Variants in MADCAM1 observed in about 807,000 individuals in gnomAD.
MADCAM1 encodes mucosal vascular addressin cell adhesion molecule 1.
In MADCAM1, 19 loss-of-function variants were observed where a neutral mutation model predicts 26.1. The observed-to-expected ratio is 0.73, with a 90% confidence interval of 0.51 to 1.07. MADCAM1 has a LOEUF of 1.07. Ranked by LOEUF, MADCAM1 falls within the 50% of genes least tolerant of loss-of-function variation. MADCAM1 has a pLI of 0.00. For missense variants in MADCAM1, 514 were observed against 542.1 expected, an observed-to-expected ratio of 0.95 and a Z score of 0.51; for synonymous variants, 268 against 260.9, an observed-to-expected ratio of 1.03 and a Z score of -0.26.
At chr19:504,609 A>C (rs565323459) in intron 4 of MADCAM1, 136 bp from the exon 5 acceptor site, 11 of 657,104 alleles carry the variant, frequency 1.7e-5, no homozygotes, top group Non-Finnish European at 2.9e-5. Flanking sequence ...CAAAAGGGTC[A>C]TGGTAAAGTC....
In MADCAM1 at chr19:505,082, G is replaced by A; in HGVS notation, c.*117G>A. Reference sequence around the variant, plus strand: ...AAGTCATCCCTCTGTTCACAGAGATGGATGCATGTTCTGATTGCCTCTTTG... The same window carrying A: ...AAGTCATCCCTCTGTTCACAGAGATAGATGCATGTTCTGATTGCCTCTTTG... On this transcript the variant is annotated 3_prime_UTR_variant, in exon 5 of 5. Coordinates refer to ENST00000215637, the MANE Select transcript of MADCAM1 (RefSeq NM_130760.3). The A allele has an allele frequency of 1.4e-6, 1 of 717,280 alleles. No homozygotes were observed. Among genetic ancestry groups the A allele is most frequent in the Non-Finnish European group, 2.2e-6 (1 of 450,988 alleles). The allele number at this position is 717,280 out of a possible 1,614,324, so 44.4% of individuals were successfully genotyped here. A position where few individuals can be genotyped will look rare whatever the true frequency, so the allele number is the denominator to read the frequency against.
At position 498,104 on chromosome 19, in the gene MADCAM1, G is replaced by C; in HGVS notation, c.324G>C (p.Gln108His). 1 of 1,376,780 alleles carries C rather than the reference G, an allele frequency of 7.3e-7. No individual in the cohort carries two copies. The highest frequency in any genetic ancestry group is 9.4e-7 in the Non-Finnish European group (1 of 1,066,282). The allele number at this position is 1,376,780 out of a possible 1,614,324, so 85.3% of individuals were successfully genotyped here. Reference sequence around the variant, plus strand: ...GCCGCACCTTCCAGCACACCGTGCAGCTCCTTGTGTACGGTGAGGCGTCCC... The same window carrying C: ...GCCGCACCTTCCAGCACACCGTGCACCTCCTTGTGTACGGTGAGGCGTCCC... ...CGGRTFQHTV[Q>H]LLVYAFPDQL... Residue 108 changes from glutamine (Q) to histidine (H), a missense_variant, in exon 2 of 5, where the codon CAG becomes CAC. Around this residue, in one of 3 missense-constraint regions of MADCAM1, gnomAD observed 317 missense variants for 313.6 expected, o/e 1.01. Transcript: ENST00000215637.
At chr19:499,726 C>T (rs762290737) in intron 3 of MADCAM1, 112 of 439,170 alleles carry the variant, frequency 2.6e-4, no homozygotes, top group Non-Finnish European at 4.6e-4. Flanking sequence ...GAAGCTAGAA[C>T]AGGGCCTGGG....
chr19:498,460 C>T (rs1320311536), intron 2 of MADCAM1, 36 bp from the exon 3 acceptor site: 1 of 1,439,474 alleles, frequency 6.9e-7, no homozygotes, highest in Non-Finnish European at 9.1e-7. Flanking sequence ...AGCCCTGACT[C>T]TGGGCTCAGC....
chr19:501,976 C>T lies in MADCAM1; in HGVS notation c.928+47C>T, dbSNP rs117914445. 74 of 1,429,794 alleles carry T rather than the reference C, an allele frequency of 5.2e-5. No individual in the cohort carries two copies. The East Asian group carries it at 8.3e-4, about 16-fold the overall frequency. The allele number at this position is 1,429,794 out of a possible 1,614,324, so 88.6% of individuals were successfully genotyped here. ...CAGGGAGGGTGGGAAGGGCTGAGAGCGAGAGGTTCCTTGGATGAAGACTTT... is the reference window on the plus strand; with the variant it reads ...CAGGGAGGGTGGGAAGGGCTGAGAGTGAGAGGTTCCTTGGATGAAGACTTT... On this transcript the variant is annotated intron_variant, in intron 4 of 4. Transcript: ENST00000215637.
chr19:498,003 G>C lies in MADCAM1; in HGVS notation c.223G>C (p.Gly75Arg). 2 of 1,504,598 alleles carry C rather than the reference G, an allele frequency of 1.3e-6. No individual in the cohort carries two copies. Among genetic ancestry groups the C allele is most frequent in the South Asian group, 1.2e-5 (1 of 80,118 alleles). 93.2% of individuals were successfully genotyped at this position (1,504,598 alleles called of 1,614,324 possible). Residue 75 changes from glycine (G) to arginine (R), a missense_variant, in exon 2 of 5, where the codon GGC (glycine) becomes CGC (arginine). Coordinates refer to ENST00000215637, the MANE Select transcript of MADCAM1 (RefSeq NM_130760.3). ...CCTGGGCGCGGTGCAGTCGGACACG[G>C]GCCGCAGCGTCCTCACCGTGCGCAA... ...TSLGAVQSDT[G>R]RSVLTVRNAS...
chr19:502,061 G>GTCTGCCCAGCCTCGGTTTCCCCA, intron 4 of MADCAM1, 132 bp downstream of exon 4: 1 of 1,028,244 alleles, frequency 9.7e-7, no homozygotes, highest in Non-Finnish European at 1.3e-6. Context: ...CAGTTTCCCC[G>GTCTGCCCAGCCTCGGTTTCCCCA]TCTGCCCAGC....
In MADCAM1 at chr19:501,726, A is replaced by T; in HGVS notation, c.725A>T (p.Asp242Val). The change falls in exon 4 of 5, where the codon GAC (aspartate) becomes GTC (valine). Residue 242 changes from aspartate to valine, a missense_variant. By Grantham distance (152) the Asp-to-Val change is radical (BLOSUM62 -3). Transcript: ENST00000215637. Reference protein sequence around the residue: ...PPDTTSPESPDTTSPESPDTT... With the variant: ...PPDTTSPESPVTTSPESPDTT... ...GACACCACCTCCCCGGAGTCTCCCG[A>T]CACCACCTCCCCGGAGTCTCCCGAC... 1 of 1,561,406 alleles carries T rather than the reference A, an allele frequency of 6.4e-7. No individual in the cohort carries two copies. Among genetic ancestry groups the T allele is most frequent in the Non-Finnish European group, 8.7e-7 (1 of 1,152,034 alleles).
chr19:502,098 G>A (rs912460195), intron 4 of MADCAM1, among the ~76,000 whole-genome samples, 169 bp downstream of exon 4: 4 of 150,868 alleles, frequency 2.7e-5, no homozygotes, highest in African/African-American at 7.3e-5. Flanking sequence ...GCCCAGCCTC[G>A]GTTTCCCCGT....
At chr19:499,205 C>T in intron 3 of MADCAM1, 1 of 490,348 alleles carries the variant, frequency 2.0e-6, no homozygotes, top group South Asian at 1.5e-5. Context: ...TCCTCCAACA[C>T]ACCAGGCGTG....
At chr19:500,007 G>A in intron 3 of MADCAM1, 2 of 450,938 alleles carry the variant, frequency 4.4e-6, no homozygotes, top group South Asian at 3.1e-5. Context: ...GTGGGGCTGG[G>A]GTGGGCAGAG....
At chr19:500,023 G>C (rs1357164110) in intron 3 of MADCAM1, 1 of 453,944 alleles carries the variant, frequency 2.2e-6, no homozygotes, top group Non-Finnish European at 4.4e-6. Flanking sequence ...CAGAGAGGAG[G>C]CTGGATTTGA....
chr19:503,666 C>T lies in MADCAM1; in HGVS notation c.929-1079C>T, dbSNP rs551016022. On this transcript the variant is annotated intron_variant, in intron 4 of 4. Coordinates refer to ENST00000215637, the MANE Select transcript of MADCAM1 (RefSeq NM_130760.3). ...CTGTAATGCCAGCACTTTGGGAGGCCGAGGCAGGAGGATCACTTGAGCCCA... is the reference window on the plus strand; with the variant it reads ...CTGTAATGCCAGCACTTTGGGAGGCTGAGGCAGGAGGATCACTTGAGCCCA... Among the ~76,000 whole-genome samples, 16 of 151,582 alleles carry T rather than the reference C, an allele frequency of 1.1e-4. No homozygotes were observed. The South Asian group carries it at 2.5e-3, about 24-fold the overall frequency.
chr19:499,425 G>GGC (rs1978306446), intron 3 of MADCAM1: 1 of 452,014 alleles, frequency 2.2e-6, no homozygotes, highest in African/African-American at 2.0e-5. Flanking sequence ...TACAAACACA[G>GGC]ACACACACAC....
At position 501,903 on chromosome 19, in the gene MADCAM1, C is replaced by T. The variant is rs200220692; in HGVS notation, c.902C>T (p.Thr301Met). The stretch of plus-strand genomic sequence containing the variant: ...CCTGAGATCTCCCAGGCTGGGCCCA[C>T]GCAGGGAGAAGTGATCCCAACAGGC... ...RRPEISQAGP[T>M]QGEVIPTGSS... The change falls in exon 4 of 5, where the codon ACG becomes ATG. Residue 301 changes from threonine to methionine, a missense_variant. Coordinates refer to ENST00000215637, the MANE Select transcript of MADCAM1 (RefSeq NM_130760.3). 79 of 1,543,220 alleles carry T rather than the reference C, an allele frequency of 5.1e-5. No homozygotes were observed. Among genetic ancestry groups the T allele is most frequent in the South Asian group, 3.7e-4 (30 of 81,628 alleles).
At chr19:500,477 C>A (rs1978315777) in intron 3 of MADCAM1, among the ~76,000 whole-genome samples, 1 of 152,226 alleles carries the variant, frequency 6.6e-6, no homozygotes. Flanking sequence ...CGCCTGTAAT[C>A]CCAGCACTTT....
chr19:502,229 G>A (rs1430694322), intron 4 of MADCAM1, among the ~76,000 whole-genome samples: 1 of 152,166 alleles, frequency 6.6e-6, no homozygotes, highest in African/African-American at 2.4e-5. Flanking sequence ...AAGGCACTTG[G>A]TAAATTCTAA....
Position 501,864 on chromosome 19 carries a change from C to T in MADCAM1, c.863C>T (p.Thr288Ile), listed in dbSNP as rs1261751537. The change falls in exon 4 of 5, where the codon ACC (threonine) becomes ATC (isoleucine). Residue 288 changes from threonine (T) to isoleucine (I), a missense_variant. Physicochemically the swap from Thr to Ile is moderately conservative, Grantham distance 89. Around this residue, in one of 3 missense-constraint regions of MADCAM1, gnomAD observed 152 missense variants for 136.7 expected, o/e 1.11. Coordinates refer to ENST00000215637, the MANE Select transcript of MADCAM1 (RefSeq NM_130760.3). ...STHTPRSPGS[T>I]RTRRPEISQA... is the part of the protein sequence containing the mutation. ...CACACCCCCAGGAGCCCAGGCTCCA[C>T]CAGGACTCGCCGCCCTGAGATCTCC... 1 of 1,557,188 alleles carries T rather than the reference C, an allele frequency of 6.4e-7. No individual in the cohort carries two copies. Among genetic ancestry groups the T allele is most frequent in the Non-Finnish European group, 8.7e-7 (1 of 1,151,210 alleles).
At chr19:504,046 T>C (rs1259214103) in intron 4 of MADCAM1, among the ~76,000 whole-genome samples, 9 of 149,012 alleles carry the variant, frequency 6.0e-5, no homozygotes, top group Admixed American at 5.4e-4. Flanking sequence ...CAGAGCAAGA[T>C]TCCATTTCGA....
Sources: allele counts gnomAD v4.1 joint callset (sites outside exome capture counted in the v4.1 genomes callset), GRCh38; gene constraint gnomAD v4.1.1; regional missense constraint gnomAD v4.1.1; transcripts MANE v1.5; gene names NCBI Gene and HGNC (gene_info 2026-07-23, HGNC 2026-07-21).